The following NUP133 variants were observed in gnomAD, a reference collection of about 807,000 sequenced individuals.
NUP133 encodes the protein nucleoporin 133.
In NUP133, 66 loss-of-function variants were observed where a neutral mutation model predicts 146.2. That is an observed-to-expected ratio of 0.45 (90% CI 0.37 to 0.55). NUP133 has a LOEUF of 0.55. Ranked by LOEUF, NUP133 falls within the 20% of genes least tolerant of loss-of-function variation. NUP133 has a pLI of 0.00. For synonymous variants in NUP133, 521 were observed against 498.8 expected, an observed-to-expected ratio of 1.04 and a Z score of -0.59; for missense variants, 1,277 against 1,374.8, an observed-to-expected ratio of 0.93 and a Z score of 1.12.
At chr1:229,482,827 T>C (rs1276243952) in intron 12 of NUP133, among the ~76,000 whole-genome samples, 1 of 152,076 alleles carries the variant, frequency 6.6e-6, no homozygotes, top group Non-Finnish European at 1.5e-5. Flanking sequence ...TAGAACCCTG[T>C]GATACATGAA....
chr1:229,451,603 T>C (rs912651200), intron 22 of NUP133, among the ~76,000 whole-genome samples: 2 of 151,982 alleles, frequency 1.3e-5, no homozygotes, highest in South Asian at 4.1e-4. Context: ...ATTTGAATTT[T>C]TCCCATCTTC....
intron 8 of NUP133, among the ~76,000 whole-genome samples, chr1:229,490,691 G>A (rs943587916): frequency 4.6e-5 from 7 of 152,072 alleles, no homozygotes; most frequent in South Asian, 2.1e-4. Context: ...GGCCAGGTGC[G>A]GTGGCTCACG....
At chr1:229,443,906 TTTTTTTTTTTTTA>T (rs1660243109) in intron 25 of NUP133, among the ~76,000 whole-genome samples, 1 of 138,892 alleles carries the variant, frequency 7.2e-6, no homozygotes, top group Non-Finnish European at 1.5e-5. Flanking sequence ...TTTTTTTTTT[TTTTTTTTTTTTTA>T]AAATAGGGAC....
At chr1:229,469,488 T>C (rs551108804) in intron 15 of NUP133, among the ~76,000 whole-genome samples, 1 of 152,194 alleles carries the variant, frequency 6.6e-6, no homozygotes, top group South Asian at 2.1e-4. Context: ...AGGAGTTCAG[T>C]GAAGGTACTG....
intron 19 of NUP133, among the ~76,000 whole-genome samples, chr1:229,461,889 T>C (rs1373581724): frequency 6.7e-6 from 1 of 149,260 alleles, no homozygotes; most frequent in Non-Finnish European, 1.5e-5. Flanking sequence ...CTACTGACCT[T>C]TTTTTTTTTT....
chr1:229,475,629 C>A lies in NUP133; in HGVS notation c.1851+9G>T, dbSNP rs369380483. 2.2e-5 allele frequency: 36 copies of A among 1,604,432 alleles called. 1 individual carries two copies. The South Asian group carries it at 3.9e-4, about 17-fold the overall frequency. ...GCAGAGCCCTGTGCCCAGCACCCTG[C>A]GCTCTTACTTGATGAATAAAGTCCA... On this transcript the variant is annotated intron_variant, in intron 14 of 25. Coordinates refer to ENST00000261396, the MANE Select transcript of NUP133 (RefSeq NM_018230.3).
intron 12 of NUP133, among the ~76,000 whole-genome samples, chr1:229,479,941 T>C (rs989859726): frequency 1.3e-5 from 2 of 152,116 alleles, no homozygotes; most frequent in African/African-American, 4.8e-5. Context: ...TTTTTACAAA[T>C]GGCAGACTAA....
chr1:229,506,905 C>T (rs6671385), intron 1 of NUP133, among the ~76,000 whole-genome samples: 33,420 of 151,498 alleles, frequency 0.22, 3,911 homozygotes, highest in Middle Eastern at 0.28. Flanking sequence ...TTACATGGTC[C>T]TCAACAGCAG....
intron 15 of NUP133, among the ~76,000 whole-genome samples, chr1:229,469,878 T>C (rs1660914429): frequency 1.3e-5 from 2 of 152,238 alleles, no homozygotes; most frequent in South Asian, 4.1e-4. Context: ...ATACAAAAAT[T>C]AGCTGGGCAT....
At chr1:229,468,763 T>C (rs1017432515) in intron 15 of NUP133, among the ~76,000 whole-genome samples, 2 of 152,210 alleles carry the variant, frequency 1.3e-5, no homozygotes, top group African/African-American at 4.8e-5. Flanking sequence ...TAAAATTATA[T>C]ATGAATAAAG....
At chr1:229,487,043 A>G (rs1346824947) in intron 10 of NUP133, among the ~76,000 whole-genome samples, 1 of 151,792 alleles carries the variant, frequency 6.6e-6, no homozygotes, top group Admixed American at 6.6e-5. Flanking sequence ...CCTCTGCCCA[A>G]CCCCTTCAGC....
At chr1:229,501,515 G>A (rs1375559887) in intron 3 of NUP133, among the ~76,000 whole-genome samples, 1 of 152,204 alleles carries the variant, frequency 6.6e-6, no homozygotes, top group African/African-American at 2.4e-5. Context: ...GAAAAAGGTT[G>A]CTGAGGATAC....
chr1:229,474,560 A>C (rs1661031392), intron 14 of NUP133, among the ~76,000 whole-genome samples: 1 of 152,168 alleles, frequency 6.6e-6, no homozygotes. Flanking sequence ...CTAGTGCTGC[A>C]CTGTCCAATA....
intron 7 of NUP133, 134 bp from the exon 8 acceptor site, chr1:229,495,699 T>A (rs761861664): frequency 3.5e-6 from 3 of 862,098 alleles, no homozygotes; most frequent in African/African-American, 1.7e-5. Flanking sequence ...AAAAAAAAAA[T>A]CGCTAAGCAA....
At chr1:229,503,486 T>C (rs756360805) in intron 2 of NUP133, among the ~76,000 whole-genome samples, 2 of 152,218 alleles carry the variant, frequency 1.3e-5, no homozygotes, top group African/African-American at 2.4e-5. Context: ...CGTTCTCTAT[T>C]AAGTGACAAA....
At chr1:229,443,103 C>T (rs1328485573) in intron 25 of NUP133, among the ~76,000 whole-genome samples, 2 of 152,132 alleles carry the variant, frequency 1.3e-5, no homozygotes, top group Non-Finnish European at 2.9e-5. Context: ...TCGTAGCTCA[C>T]TGTAGCTTCA....
At chr1:229,443,804 C>T (rs1660238615) in intron 25 of NUP133, among the ~76,000 whole-genome samples, 1 of 146,882 alleles carries the variant, frequency 6.8e-6, no homozygotes, top group Non-Finnish European at 1.5e-5. Context: ...TCAGAACTCA[C>T]TGCAGCCTTC....
chr1:229,455,544 G>A (rs185119135), intron 21 of NUP133, among the ~76,000 whole-genome samples: 41 of 152,310 alleles, frequency 2.7e-4, no homozygotes, highest in Middle Eastern at 3.4e-3. Context: ...CTGGGCAACA[G>A]AGTGAGACCC....
Position 229,467,004 on chromosome 1 carries a change from G to A in NUP133, c.2077-248C>T, listed in dbSNP as rs569192910. ...TGGATTGTTACTGAGATTTTTAAGC[G>A]ATGATATTTTTTATTATAGCTACTC... On this transcript the variant is annotated intron_variant, in intron 15 of 25. Transcript: ENST00000261396. Among the ~76,000 whole-genome samples, 77 of 132,382 alleles carry A rather than the reference G, an allele frequency of 5.8e-4. No individual in the cohort carries two copies. In the South Asian group the frequency reaches 7.5e-3, roughly 13 times the overall value. The allele number at this position is 132,382 out of a possible 152,430, so 86.8% of individuals were successfully genotyped here.
Sources: gnomAD v4.1 joint callset for allele counts (sites outside exome capture counted in the v4.1 genomes callset) on GRCh38, gnomAD v4.1.1 for gene constraint, MANE v1.5 for transcripts, NCBI Gene and HGNC (gene_info 2026-07-23, HGNC 2026-07-21) for gene names.